Variants in STX8 observed in about 807,000 individuals in gnomAD.
The protein encoded by STX8 is syntaxin 8.
A neutral mutation model predicts 37.5 loss-of-function variants in STX8; 23 were observed. The observed-to-expected ratio is 0.61, with a 90% CI of 0.44 to 0.87. The LOEUF (loss-of-function observed/expected upper bound fraction) is 0.87. Ranked by LOEUF, STX8 falls within the 40% of genes least tolerant of loss-of-function variation. The probability of loss-of-function intolerance (pLI) is 0.00; values close to 1 mark genes in which losing one functional copy is unlikely to be tolerated. For missense variants in STX8, 313 were observed against 284.7 expected, an observed-to-expected ratio of 1.10 and a Z score of -0.71; for synonymous variants, 115 against 99.1, an observed-to-expected ratio of 1.16 and a Z score of -0.95.
chr17:9,412,108 T>TA (rs975620235), intron 6 of STX8, among the ~76,000 whole-genome samples: 24 of 152,150 alleles, frequency 1.6e-4, no homozygotes, highest in African/African-American at 5.3e-4. Flanking sequence ...GACGGAGGAT[T>TA]AAAAAATACA....
chr17:9,501,994 T>C (rs924794218), intron 5 of STX8, among the ~76,000 whole-genome samples: 1 of 151,790 alleles, frequency 6.6e-6, no homozygotes, highest in Non-Finnish European at 1.5e-5. Flanking sequence ...AAACCAAACA[T>C]GATGAGCTGT....
At chr17:9,324,837 GCT>G (rs1447777523) in intron 7 of STX8, among the ~76,000 whole-genome samples, 1 of 151,290 alleles carries the variant, frequency 6.6e-6, no homozygotes, top group Non-Finnish European at 1.5e-5. Context: ...GGCCTCAGTT[GCT>G]CTGACTATAA....
At chr17:9,558,525 G>C (rs1417031414) in intron 2 of STX8, among the ~76,000 whole-genome samples, 1 of 152,166 alleles carries the variant, frequency 6.6e-6, no homozygotes, top group Non-Finnish European at 1.5e-5. Flanking sequence ...AAGGAAAGCA[G>C]ATCTCTCTAC....
At chr17:9,367,364 G>T (rs1411744891) in intron 7 of STX8, among the ~76,000 whole-genome samples, 2 of 151,958 alleles carry the variant, frequency 1.3e-5, no homozygotes, top group African/African-American at 4.8e-5. Flanking sequence ...CAGCAACTCT[G>T]GCCTCACCAT....
intron 6 of STX8, chr17:9,452,106 A>G (rs1905060235): frequency 6.6e-6 from 1 of 151,748 alleles, no homozygotes; most frequent in Non-Finnish European, 1.5e-5. Flanking sequence ...TATGACTCAA[A>G]CTCTAGTTAC....
intron 6 of STX8, chr17:9,469,363 T>TACATACACAC (rs1555529856): frequency 6.7e-6 from 1 of 150,126 alleles, no homozygotes; most frequent in South Asian, 2.1e-4. Flanking sequence ...CTCTCTCTCA[T>TACATACACAC]ACACACACAC....
chr17:9,318,815 C>T (rs999362666), intron 7 of STX8, among the ~76,000 whole-genome samples: 1 of 152,034 alleles, frequency 6.6e-6, no homozygotes, highest in Non-Finnish European at 1.5e-5. Flanking sequence ...GAATATAGTT[C>T]AACAAAATGT....
chr17:9,327,831 C>T (rs1909828577), intron 7 of STX8, among the ~76,000 whole-genome samples: 1 of 152,138 alleles, frequency 6.6e-6, no homozygotes, highest in Non-Finnish European at 1.5e-5. Context: ...TGCACCACCA[C>T]ACCCAGCTAA....
At chr17:9,352,667 T>G (rs1159147023) in intron 7 of STX8, among the ~76,000 whole-genome samples, 1 of 151,326 alleles carries the variant, frequency 6.6e-6, no homozygotes, top group Non-Finnish European at 1.5e-5. Context: ...GCCCGGCTAA[T>G]TTTTTTGTAT....
chr17:9,279,898 A>C (rs954055904), intron 7 of STX8, among the ~76,000 whole-genome samples: 7 of 152,274 alleles, frequency 4.6e-5, no homozygotes, highest in Admixed American at 1.3e-4. Context: ...CTTAAAATAC[A>C]TCAATAGATT....
chr17:9,558,533 T>C (rs1907071653), intron 2 of STX8, among the ~76,000 whole-genome samples: 1 of 152,150 alleles, frequency 6.6e-6, no homozygotes, highest in African/African-American at 2.4e-5. Flanking sequence ...CAGATCTCTC[T>C]ACACTCAAAG....
intron 6 of STX8, among the ~76,000 whole-genome samples, chr17:9,409,662 C>T (rs1300594481): frequency 6.6e-6 from 1 of 152,148 alleles, no homozygotes; most frequent in Non-Finnish European, 1.5e-5. Flanking sequence ...GCCGCCTTCG[C>T]TCCAGATGTG....
At chr17:9,492,476 G>A (rs1906898191) in intron 5 of STX8, among the ~76,000 whole-genome samples, 2 of 152,198 alleles carry the variant, frequency 1.3e-5, no homozygotes, top group Admixed American at 6.5e-5. Flanking sequence ...TATTTCTCAA[G>A]TGTAGACTGT....
intron 6 of STX8, among the ~76,000 whole-genome samples, chr17:9,474,729 T>C (rs2142443974): frequency 6.6e-6 from 1 of 152,272 alleles, no homozygotes; most frequent in Non-Finnish European, 1.5e-5. Flanking sequence ...TCCCAGCACT[T>C]TGGGAGGCTG....
intron 6 of STX8, among the ~76,000 whole-genome samples, chr17:9,421,168 G>A (rs1003898406): frequency 3.9e-4 from 59 of 151,916 alleles, no homozygotes; most frequent in Non-Finnish European, 7.2e-4. Flanking sequence ...CGAGGCGGGC[G>A]GATCACCTGA....
rs1175124615 is a variant in STX8, at chr17:9,274,749, TTC to T, written c.644-24106_644-24105del. Among the ~76,000 whole-genome samples, 81 of 127,292 alleles carry T rather than the reference TTC, an allele frequency of 6.4e-4. 14 individuals carry two copies. The highest frequency in any genetic ancestry group is 1.0e-3 in the Non-Finnish European group (57 of 57,116). 83.5% of individuals were successfully genotyped at this position (127,292 alleles called of 152,430 possible). Reference sequence around the variant, plus strand: ...CTTCAAAAATACAACAATTTCTTTTTTCTTTTTTTTTTTTTTTTTTGAGACGG... The same window carrying T: ...CTTCAAAAATACAACAATTTCTTTTTTTTTTTTTTTTTTTTTTTGAGACGG... On this transcript the variant is annotated intron_variant, in intron 7 of 7. Coordinates refer to ENST00000306357, the MANE Select transcript of STX8 (RefSeq NM_004853.3).
intron 6 of STX8, among the ~76,000 whole-genome samples, chr17:9,462,621 G>T: frequency 6.6e-6 from 1 of 152,092 alleles, no homozygotes; most frequent in African/African-American, 2.4e-5. Context: ...TACTCAGGAG[G>T]CTGAGGCACA....
At chr17:9,295,972 C>T (rs1448197328) in intron 7 of STX8, among the ~76,000 whole-genome samples, 5 of 151,822 alleles carry the variant, frequency 3.3e-5, no homozygotes, top group East Asian at 1.9e-4. Context: ...GGGCGGATCA[C>T]GAGGTCAGGA....
chr17:9,401,104 C>CTT (rs1912602118), intron 6 of STX8, among the ~76,000 whole-genome samples: 1 of 152,164 alleles, frequency 6.6e-6, no homozygotes, highest in East Asian at 1.9e-4. Context: ...GGATCACAGC[C>CTT]TTACATTGCC....
Sources: gnomAD v4.1 joint callset for allele counts (sites outside exome capture counted in the v4.1 genomes callset) on GRCh38, gnomAD v4.1.1 for gene constraint, MANE v1.5 for transcripts, NCBI Gene and HGNC (gene_info 2026-07-23, HGNC 2026-07-21) for gene names.